Variants in ATAD3B observed in about 807,000 individuals in gnomAD.
ATAD3B encodes ATPase family AAA domain-containing protein 3B.
ATAD3B carries 59 observed loss-of-function variants against 70.2 expected under a neutral mutation model. That is an observed-to-expected ratio of 0.84 (90% CI 0.68 to 1.04). The LOEUF (loss-of-function observed/expected upper bound fraction) is 1.04, where lower values mean the gene tolerates loss of function less well. Among genes scored for constraint, ATAD3B ranks in the 50% least tolerant of loss-of-function variants. The pLI is 0.00. For synonymous variants in ATAD3B, 423 were observed against 388.6 expected, an observed-to-expected ratio of 1.09 and a Z score of -1.04; for missense variants, 961 against 913.4, an observed-to-expected ratio of 1.05 and a Z score of -0.67.
chr1:1,478,129 T>C, intron 2 of ATAD3B: 1 of 223,264 alleles, frequency 4.5e-6, no homozygotes, highest in Non-Finnish European at 9.1e-6. Flanking sequence ...TCCGAGCAGC[T>C]GGGACTACAG....
chr1:1,503,006 C>G, the ATAD3B span, among the ~76,000 whole-genome samples: 1 of 150,850 alleles, frequency 6.6e-6, no homozygotes, highest in African/African-American at 2.4e-5. Context: ...AGGTGAATCA[C>G]GAGGTCAGGA....
the ATAD3B span, among the ~76,000 whole-genome samples, chr1:1,505,240 C>T: frequency 6.6e-6 from 1 of 152,156 alleles, no homozygotes. Context: ...CCTTCCCTGC[C>T]TGGCAGCCGA....
rs1640145758 is a variant in ATAD3B, at chr1:1,485,289, C to T, written c.906+118C>T. The T allele has an allele frequency of 4.9e-5, 73 of 1,482,470 alleles. No homozygotes were observed. In the South Asian group the frequency reaches 5.6e-4, roughly 11 times the overall value. 91.8% of individuals were successfully genotyped at this position (1,482,470 alleles called of 1,614,324 possible). On this transcript the variant is annotated intron_variant, in intron 8 of 15. Transcript: ENST00000673477. ...TCCCTTTCCCCGGATAACAGGCACCCGCACGCTGCTTCACGGGTGGGTTTT... is the reference window on the plus strand; with the variant it reads ...TCCCTTTCCCCGGATAACAGGCACCTGCACGCTGCTTCACGGGTGGGTTTT...
At chr1:1,507,006 C>T in the ATAD3B span, among the ~76,000 whole-genome samples, 1 of 152,016 alleles carries the variant, frequency 6.6e-6, no homozygotes, top group Non-Finnish European at 1.5e-5. Flanking sequence ...CCAGGATGGT[C>T]TCGATCCCCT....
chr1:1,473,715 T>G (rs945925067), intron 1 of ATAD3B, among the ~76,000 whole-genome samples: 1 of 148,416 alleles, frequency 6.7e-6, no homozygotes, highest in African/African-American at 2.5e-5. Flanking sequence ...AGGGTGGTCT[T>G]GACCACCTGA....
chr1:1,487,652 T>G (rs763842124), intron 11 of ATAD3B, among the ~76,000 whole-genome samples: 23 of 151,850 alleles, frequency 1.5e-4, no homozygotes, highest in Non-Finnish European at 1.2e-4. Flanking sequence ...TGTAGTTGGT[T>G]TCCCACTGCC....
Position 1,471,832 on chromosome 1 carries a change from A to G in ATAD3B, c.-53A>G. On this transcript the variant is annotated 5_prime_UTR_variant, in exon 1 of 16. Transcript: ENST00000673477. ...TGGAGGCTGCTCCCAGCCGCGCCCG[A>G]GTCAGACTCGGGTGGGGGTCCCGGC... The G allele has an allele frequency of 8.0e-7, 1 of 1,252,800 alleles. No individual in the cohort carries two copies. Among genetic ancestry groups the G allele is most frequent in the East Asian group, 3.2e-5 (1 of 31,540 alleles). 77.6% of individuals were successfully genotyped at this position (1,252,800 alleles called of 1,614,324 possible).
Position 1,495,524 on chromosome 1 carries a change from GC to G in ATAD3B, c.1656del (p.Met553Ter). ...YASKDGVLTEAMMDACVQDAV... is the reference protein window; with the variant it reads ...YASKDGVLTEXMMDACVQDAV... The stretch of plus-strand genomic sequence containing the variant: ...CTCCAAGGACGGGGTCCTCACTGAG[GC>G]CATGATGGACGCCTGTGTGCAAGAT... On this transcript the variant is annotated frameshift_variant, in exon 16 of 16. Coordinates refer to ENST00000673477, the MANE Select transcript of ATAD3B (RefSeq NM_031921.6). LOFTEE classifies it low-confidence loss of function (END_TRUNC). 6.2e-7 allele frequency: 1 copy of G among 1,612,260 alleles called. No homozygotes were observed. The highest frequency in any genetic ancestry group is 8.5e-7 in the Non-Finnish European group (1 of 1,178,754).
rs370212541 is a variant in ATAD3B at position 1,494,285 on chromosome 1, G to A, written c.1615-1200G>A. 2.8e-4 allele frequency among the ~76,000 whole-genome samples: 42 copies of A among 152,074 alleles called. 1 individual carries two copies. In the South Asian group the frequency reaches 6.0e-3, roughly 22 times the overall value. On this transcript the variant is annotated intron_variant, in intron 15 of 15. Coordinates refer to ENST00000673477, the MANE Select transcript of ATAD3B (RefSeq NM_031921.6). ...GAGGGGTGGCCCTGTGAGCATCTGCGTAGCCCCTCTCCTCTGCTGGGCCCT... is the reference window on the plus strand; with the variant it reads ...GAGGGGTGGCCCTGTGAGCATCTGCATAGCCCCTCTCCTCTGCTGGGCCCT...
chr1:1,482,105 A>C, intron 5 of ATAD3B, 33 bp from the exon 6 acceptor site: 1 of 1,596,566 alleles, frequency 6.3e-7, no homozygotes, highest in Non-Finnish European at 8.5e-7. Context: ...GCTGCACTGC[A>C]TGGTGCTGAG....
Position 1,495,872 on chromosome 1 carries a change from G to A in ATAD3B, c.*55G>A, listed in dbSNP as rs1359281212. 6.7e-7 allele frequency: 1 copy of A among 1,494,322 alleles called. No homozygotes were observed. Among genetic ancestry groups the A allele is most frequent in the Admixed American group, 2.3e-5 (1 of 43,832 alleles). 92.6% of individuals were successfully genotyped at this position (1,494,322 alleles called of 1,614,324 possible). On this transcript the variant is annotated 3_prime_UTR_variant, in exon 16 of 16. Coordinates refer to ENST00000673477, the MANE Select transcript of ATAD3B (RefSeq NM_031921.6). ...CCTGCCCCTCGAGACACTCTTGGGA[G>A]ATGCATTTTCCGTCTGGCTCACAGG...
chr1:1,499,308 C>T (rs1235307687), downstream of ATAD3B, among the ~76,000 whole-genome samples: 3 of 115,942 alleles, frequency 2.6e-5, no homozygotes, highest in African/African-American at 1.0e-4. Context: ...TTGGTCTCGG[C>T]TTACTGTAAC....
chr1:1,489,120 G>A, intron 12 of ATAD3B, 84 bp from the exon 13 acceptor site: 1 of 1,603,080 alleles, frequency 6.2e-7, no homozygotes, highest in Non-Finnish European at 8.5e-7. Flanking sequence ...GCTCCCTGCA[G>A]GAGGGAGGCC....
At chr1:1,508,525 G>A in the ATAD3B span, among the ~76,000 whole-genome samples, 59 of 151,470 alleles carry the variant, frequency 3.9e-4, no homozygotes, top group East Asian at 2.9e-3. Flanking sequence ...TGAGCACGGC[G>A]CCCAGTGGGG....
chr1:1,490,347 G>A lies in ATAD3B; in HGVS notation c.1428G>A (p.Pro476=), dbSNP rs763121998. 64 of 1,613,310 alleles carry A rather than the reference G, an allele frequency of 4.0e-5. No homozygotes were observed. Among genetic ancestry groups the A allele is most frequent in the East Asian group, 3.1e-4 (14 of 44,890 alleles). ...RIDVMVHFDL[P]QQEERERLVR... ...ACGTGATGGTCCACTTCGACCTGCC[G>A]CAGCAGGAGGAGCGGGAGCGCCTGG... The change falls in exon 14 of 16, where the codon CCG becomes CCA. Residue 476 remains proline (P), a synonymous_variant. Coordinates refer to ENST00000673477, the MANE Select transcript of ATAD3B (RefSeq NM_031921.6).
rs1331940337 is a variant in ATAD3B, at chr1:1,478,777, C to G, written c.384+32C>G. 6 of 1,462,600 alleles carry G rather than the reference C, an allele frequency of 4.1e-6. No homozygotes were observed. The Admixed American group carries it at 6.5e-5, about 16-fold the overall frequency. 90.6% of individuals were successfully genotyped at this position (1,462,600 alleles called of 1,614,324 possible). ...GCGCAAGAGGCCGCGAGGGAGGCCG[C>G]CCGGCTGCGGGGAGCGGCCTGGGGC... On this transcript the variant is annotated intron_variant, in intron 3 of 15. Coordinates refer to ENST00000673477, the MANE Select transcript of ATAD3B (RefSeq NM_031921.6).
chr1:1,489,315 G>C, intron 13 of ATAD3B, 41 bp downstream of exon 13: 2 of 1,612,318 alleles, frequency 1.2e-6, no homozygotes, highest in Non-Finnish European at 1.7e-6. Flanking sequence ...GGGCAGGGCT[G>C]TGCAGCCGTC....
chr1:1,500,932 G>A (rs1640932230), downstream of ATAD3B, among the ~76,000 whole-genome samples: 2 of 152,030 alleles, frequency 1.3e-5, no homozygotes. Context: ...ACTGCAGCCT[G>A]GGCGACAGAG....
Position 1,496,130 on chromosome 1 carries a change from T to C in ATAD3B, c.*313T>C. 1.8e-6 allele frequency: 2 copies of C among 1,129,776 alleles called. No homozygotes were observed. Among genetic ancestry groups the C allele is most frequent in the South Asian group, 7.3e-5 (2 of 27,456 alleles). 70.0% of individuals were successfully genotyped at this position (1,129,776 alleles called of 1,614,324 possible). A position where few individuals can be genotyped will look rare whatever the true frequency, so the allele number is the denominator to read the frequency against. On this transcript the variant is annotated 3_prime_UTR_variant, in exon 16 of 16. Coordinates refer to ENST00000673477, the MANE Select transcript of ATAD3B (RefSeq NM_031921.6). ...CCGGCAGGGGTGTCTGAGGCCGCCCTGTCAGCTGGCCGGTCCAAGCCTGTG... is the reference window on the plus strand; with the variant it reads ...CCGGCAGGGGTGTCTGAGGCCGCCCCGTCAGCTGGCCGGTCCAAGCCTGTG...
Sources: allele counts gnomAD v4.1 joint callset (sites outside exome capture counted in the v4.1 genomes callset), GRCh38; gene constraint gnomAD v4.1.1; transcripts MANE v1.5; gene names NCBI Gene and HGNC (gene_info 2026-07-23, HGNC 2026-07-21).